The following PPP2R1A variants were observed in gnomAD, a reference collection of about 807,000 sequenced individuals.
PPP2R1A encodes serine/threonine-protein phosphatase 2A 65 kDa regulatory subunit A alpha isoform.
In PPP2R1A, 15 loss-of-function variants were observed where a neutral mutation model predicts 67.1. The observed-to-expected ratio is 0.22, with a 90% confidence interval of 0.15 to 0.34. The LOEUF is 0.34. Among genes scored for constraint, PPP2R1A ranks in the 10% least tolerant of loss-of-function variants. The pLI is 1.00. For missense variants in PPP2R1A, 369 were observed against 775.0 expected, an observed-to-expected ratio of 0.48 and a Z score of 6.22; for synonymous variants, 337 against 325.0, an observed-to-expected ratio of 1.04 and a Z score of -0.40.
At position 52,219,088 on chromosome 19, in the gene PPP2R1A, A is replaced by G. The variant is rs1174574717; in HGVS notation, c.1129-603A>G. Among the ~76,000 whole-genome samples the G allele has an allele frequency of 6.6e-6, 1 of 152,226 alleles. No homozygotes were observed. Among genetic ancestry groups the G allele is most frequent in the Non-Finnish European group, 1.5e-5 (1 of 68,034 alleles). On this transcript the variant is annotated intron_variant, in intron 9 of 14. Transcript: ENST00000322088. The surrounding 1 kb of genome is among the most constrained non-coding windows in gnomAD (Gnocchi z 4.0). ...ATAAGTCTTTTTAAATGGGTGAGGT[A>G]TAGTCTCTGAGCCTTCTCTTCTCAT... is the stretch of plus-strand genomic sequence containing the variant.
At chr19:52,201,870 G>T in intron 1 of PPP2R1A, 74 bp from the exon 2 acceptor site, 1 of 1,405,864 alleles carries the variant, frequency 7.1e-7, no homozygotes. Flanking sequence ...GGCTGACTGG[G>T]TTGAGAGCTG....
At position 52,216,915 on chromosome 19, in the gene PPP2R1A, C is replaced by T. The variant is rs570834186; in HGVS notation, c.1128+252C>T. Among the ~76,000 whole-genome samples, 9 of 152,264 alleles carry T rather than the reference C, an allele frequency of 5.9e-5. No homozygotes were observed. Among genetic ancestry groups the T allele is most frequent in the African/African-American group, 1.9e-4 (8 of 41,556 alleles). On this transcript the variant is annotated intron_variant, in intron 9 of 14. Coordinates refer to ENST00000322088, the MANE Select transcript of PPP2R1A (RefSeq NM_014225.6). The surrounding 1 kb of genome is among the most constrained non-coding windows in gnomAD (Gnocchi z 4.3). ...TTTAAAGTTTTTATTTATGGCCAGG[C>T]GCGGTGGCTCACGCCTGTAATCCCA... is the stretch of plus-strand genomic sequence containing the variant.
chr19:52,202,651 G>A (rs1290525845), intron 2 of PPP2R1A, among the ~76,000 whole-genome samples: 1 of 152,216 alleles, frequency 6.6e-6, no homozygotes, highest in African/African-American at 2.4e-5. Flanking sequence ...CAGTGAGGAG[G>A]TAACTGAGAA....
At chr19:52,215,560 C>G (rs147813185) in intron 6 of PPP2R1A, among the ~76,000 whole-genome samples, 2 of 152,228 alleles carry the variant, frequency 1.3e-5, no homozygotes, top group East Asian at 3.9e-4. Flanking sequence ...AGGTAGGTGC[C>G]CTCGCAGTCC....
chr19:52,190,825 G>A (rs1175392393), intron 1 of PPP2R1A, among the ~76,000 whole-genome samples: 1 of 152,178 alleles, frequency 6.6e-6, no homozygotes, highest in Admixed American at 6.5e-5. Context: ...GACCAGGATA[G>A]GGGTTGAGGG....
intron 1 of PPP2R1A, chr19:52,190,413 C>A: frequency 1.8e-6 from 1 of 568,916 alleles, no homozygotes; most frequent in African/African-American, 2.0e-5. Context: ...CTGCCCTGTG[C>A]GCGCGGCGGT....
intron 1 of PPP2R1A, among the ~76,000 whole-genome samples, chr19:52,192,845 C>T (rs2089467034): frequency 6.6e-6 from 1 of 152,130 alleles, no homozygotes; most frequent in Admixed American, 6.5e-5. Context: ...CCATGCCCTC[C>T]CTAGGCATTC....
intron 13 of PPP2R1A, among the ~76,000 whole-genome samples, chr19:52,223,469 A>T (rs1979066532): frequency 6.6e-6 from 1 of 152,204 alleles, no homozygotes. Flanking sequence ...CTGGAGGAAG[A>T]TGTTTTAATA....
At chr19:52,209,046 T>C (rs144831382) in intron 3 of PPP2R1A, among the ~76,000 whole-genome samples, 7 of 152,286 alleles carry the variant, frequency 4.6e-5, no homozygotes, top group African/African-American at 1.4e-4. Context: ...CCTCCAGATA[T>C]TCTGATTGTT....
At chr19:52,199,890 C>T (rs1181427612) in intron 1 of PPP2R1A, among the ~76,000 whole-genome samples, 1 of 152,148 alleles carries the variant, frequency 6.6e-6, no homozygotes, top group African/African-American at 2.4e-5. Context: ...AGTACTTTAT[C>T]CTGAGGTCCG....
intron 1 of PPP2R1A, chr19:52,201,181 A>C (rs2089544852): frequency 1.3e-5 from 2 of 152,204 alleles, no homozygotes; most frequent in South Asian, 2.1e-4. Context: ...CTACGCCTGC[A>C]AAGACTGTTT....
Position 52,206,022 on chromosome 19 carries a change from A to G in PPP2R1A, c.229A>G (p.Thr77Ala), listed in dbSNP as rs2089597855. Residue 77 changes from threonine to alanine, a missense_variant, in exon 3 of 15, where the codon ACT becomes GCT. Thr to Ala is a moderately conservative substitution (Grantham distance 58). This residue lies in a region of PPP2R1A where 93 missense variants were observed against 266.5 expected (regional missense o/e 0.35). Coordinates refer to ENST00000322088, the MANE Select transcript of PPP2R1A (RefSeq NM_014225.6). ...CCTGGCAGAACAGCTGGGAACCTTC[A>G]CTACCCTGGTGGGAGGCCCAGAGTA... ...LALAEQLGTF[T>A]TLVGGPEYVH... 6.2e-7 allele frequency: 1 copy of G among 1,614,128 alleles called. No homozygotes were observed. Among genetic ancestry groups the G allele is most frequent in the Non-Finnish European group, 8.5e-7 (1 of 1,179,978 alleles).
chr19:52,190,398 C>G (rs547875254), intron 1 of PPP2R1A: 15 of 594,650 alleles, frequency 2.5e-5, no homozygotes, highest in South Asian at 1.0e-4. Flanking sequence ...TCGAGGGTCC[C>G]GGGCCTGCCC....
rs113545781 is a variant in PPP2R1A at position 52,211,326 on chromosome 19, C to A, written c.337C>A (p.Arg113=). 2,067 of 1,613,890 alleles carry A rather than the reference C, an allele frequency of 1.3e-3. 24 individuals are homozygous for A. The African/African-American group carries it at 0.024, about 19-fold the overall frequency. The part of the protein sequence containing the change: ...VVRDKAVESL[R]AISHEHSPSD... ...GCGGGACAAGGCAGTGGAGTCCTTACGGGCCATCTCACACGAGCACTCGCC... is the reference window on the plus strand; with the variant it reads ...GCGGGACAAGGCAGTGGAGTCCTTAAGGGCCATCTCACACGAGCACTCGCC... Residue 113 remains arginine (R), a synonymous_variant, in exon 4 of 15, where the codon CGG becomes AGG. Transcript: ENST00000322088. This position sits in a 1 kb window ranked among gnomAD's most constrained non-coding sequence, Gnocchi z 5.3.
intron 12 of PPP2R1A, 90 bp downstream of exon 12, chr19:52,221,223 C>G: frequency 6.5e-7 from 1 of 1,533,058 alleles, no homozygotes; most frequent in South Asian, 1.2e-5. Flanking sequence ...AAGGGAGACA[C>G]CTGGCTTGGG....
chr19:52,195,418 C>T (rs2089489188), intron 1 of PPP2R1A, among the ~76,000 whole-genome samples: 2 of 152,292 alleles, frequency 1.3e-5, no homozygotes, highest in Admixed American at 6.5e-5. Context: ...AGGGATTCTT[C>T]ACCACCACTA....
At chr19:52,195,877 G>A (rs1325212403) in intron 1 of PPP2R1A, among the ~76,000 whole-genome samples, 1 of 152,096 alleles carries the variant, frequency 6.6e-6, no homozygotes, top group African/African-American at 2.4e-5. Context: ...GCATTGTTAG[G>A]TAGGCAGGAT....
intron 1 of PPP2R1A, among the ~76,000 whole-genome samples, chr19:52,198,710 A>G (rs1056282772): frequency 1.3e-5 from 2 of 152,162 alleles, no homozygotes; most frequent in Non-Finnish European, 2.9e-5. Flanking sequence ...ATTTTTGCCT[A>G]AATGACAGTA....
rs796387049 is a variant in PPP2R1A at position 52,201,875 on chromosome 19, G to C, written c.79-69G>C. 4.9e-6 allele frequency: 7 copies of C among 1,438,266 alleles called. No homozygotes were observed. In the Middle Eastern group the frequency reaches 5.2e-4, roughly 107 times the overall value. The allele number at this position is 1,438,266 out of a possible 1,614,324, so 89.1% of individuals were successfully genotyped here. A position where few individuals can be genotyped will look rare whatever the true frequency, so the allele number is the denominator to read the frequency against. ...GGCTTCCAGGGGCTGACTGGGTTGA[G>C]AGCTGTCAGAACTCACGCGTGTCTG... On this transcript the variant is annotated intron_variant, in intron 1 of 14. Transcript: ENST00000322088.
Sources: allele counts gnomAD v4.1 joint callset (sites outside exome capture counted in the v4.1 genomes callset), GRCh38; gene constraint gnomAD v4.1.1; regional missense constraint gnomAD v4.1.1; non-coding constraint Gnocchi (gnomAD v3.1); transcripts MANE v1.5; gene names NCBI Gene and HGNC (gene_info 2026-07-23, HGNC 2026-07-21).